The following ARID1B variants were observed in gnomAD, a reference collection of about 807,000 sequenced individuals.
ARID1B encodes AT-rich interactive domain-containing protein 1B.
In ARID1B, 30 loss-of-function variants were observed where a neutral mutation model predicts 212.3. The ratio of observed to expected loss-of-function variants is 0.14; its 90% CI spans 0.11 to 0.19. The LOEUF (loss-of-function observed/expected upper bound fraction) is 0.19. Ranked by LOEUF, ARID1B falls within the 10% of genes least tolerant of loss-of-function variation. The pLI is 1.00. For synonymous variants in ARID1B, 1,402 were observed against 1,301.7 expected, an observed-to-expected ratio of 1.08 and a Z score of -1.66; for missense variants, 2,891 against 3,204.0, an observed-to-expected ratio of 0.90 and a Z score of 2.36.
chr6:156,860,244 G>A (rs960497271), intron 2 of ARID1B, among the ~76,000 whole-genome samples: 5 of 152,186 alleles, frequency 3.3e-5, no homozygotes, highest in African/African-American at 1.2e-4. Context: ...TGATATAATA[G>A]TGCTTTACAA....
At chr6:156,854,224 G>T (rs1784762524) in intron 2 of ARID1B, among the ~76,000 whole-genome samples, 1 of 152,144 alleles carries the variant, frequency 6.6e-6, no homozygotes, top group African/African-American at 2.4e-5. Flanking sequence ...ACTAGTACCT[G>T]TTCCTACCCC....
chr6:157,166,876 A>C, intron 8 of ARID1B, 164 bp from the exon 9 acceptor site: 3 of 909,248 alleles, frequency 3.3e-6, no homozygotes, highest in Non-Finnish European at 3.2e-6. Flanking sequence ...GTTACCTAGC[A>C]ATAGAATTCA....
intron 4 of ARID1B, chr6:157,024,196 G>C (rs1009172265): frequency 2.6e-5 from 4 of 152,244 alleles, no homozygotes; most frequent in African/African-American, 7.2e-5. Flanking sequence ...CCACAAAAAT[G>C]ATATGTGGTT....
intron 6 of ARID1B, among the ~76,000 whole-genome samples, chr6:157,115,502 C>T (rs1787263914): frequency 6.6e-6 from 1 of 152,234 alleles, no homozygotes; most frequent in Non-Finnish European, 1.5e-5. Flanking sequence ...TCTCAGCTCA[C>T]TGTGAGCTCC....
rs552303898 is a variant in ARID1B at position 156,849,294 on chromosome 6, C to A, written c.1986+19873C>A. Among the ~76,000 whole-genome samples the A allele has an allele frequency of 2.0e-5, 3 of 152,262 alleles. No homozygotes were observed. The East Asian group carries it at 5.8e-4, about 29-fold the overall frequency. Reference sequence around the variant, plus strand: ...TGTCTCCCTTCCTTCATGCCCTCTTCCCTGGAAGAGTTTTATATACTAAAT... The same window carrying A: ...TGTCTCCCTTCCTTCATGCCCTCTTACCTGGAAGAGTTTTATATACTAAAT... On this transcript the variant is annotated intron_variant, in intron 2 of 19. Coordinates refer to ENST00000636930, the MANE Select transcript of ARID1B (RefSeq NM_001374828.1).
chr6:157,011,351 A>C (rs981781686), intron 4 of ARID1B, among the ~76,000 whole-genome samples: 2 of 152,256 alleles, frequency 1.3e-5, no homozygotes, highest in African/African-American at 4.8e-5. Context: ...ATTCCCTTGC[A>C]TATGAATTCT....
intron 4 of ARID1B, among the ~76,000 whole-genome samples, chr6:156,949,763 C>T (rs911537291): frequency 1.2e-4 from 18 of 152,088 alleles, no homozygotes; most frequent in African/African-American, 3.6e-4. Context: ...ATCAGTTTTA[C>T]CCTGCACAGA....
At chr6:156,844,336 ACTCT>A (rs1370077255) in intron 2 of ARID1B, among the ~76,000 whole-genome samples, 7 of 152,136 alleles carry the variant, frequency 4.6e-5, no homozygotes, top group Non-Finnish European at 1.0e-4. Flanking sequence ...GAAAATTCCT[ACTCT>A]GTCTGTGTAT....
At chr6:157,167,769 A>C (rs1255694857) in intron 9 of ARID1B, 1 of 152,488 alleles carries the variant, frequency 6.6e-6, no homozygotes, top group Admixed American at 6.5e-5. Context: ...ATGCCTGATG[A>C]TTGCAGTGGA....
At chr6:156,988,565 T>C (rs1778077463) in intron 4 of ARID1B, among the ~76,000 whole-genome samples, 1 of 152,174 alleles carries the variant, frequency 6.6e-6, no homozygotes. Flanking sequence ...AAAGTCTTAC[T>C]AGCAAGGAGT....
intron 6 of ARID1B, among the ~76,000 whole-genome samples, chr6:157,118,768 C>G (rs1261347296): frequency 6.6e-6 from 1 of 152,202 alleles, no homozygotes; most frequent in Non-Finnish European, 1.5e-5. Context: ...CATCCCAAAG[C>G]TGGGAAAACA....
chr6:156,888,305 C>G (rs1192057502), intron 2 of ARID1B, among the ~76,000 whole-genome samples: 1 of 152,198 alleles, frequency 6.6e-6, no homozygotes, highest in Non-Finnish European at 1.5e-5. Flanking sequence ...CGAGTGTTTT[C>G]TGTTTTACAC....
intron 4 of ARID1B, among the ~76,000 whole-genome samples, chr6:157,038,912 T>A (rs927973937): frequency 6.6e-6 from 1 of 152,044 alleles, no homozygotes. Flanking sequence ...GCCTTAACTT[T>A]TTTTTTTTTG....
intron 4 of ARID1B, among the ~76,000 whole-genome samples, chr6:157,012,492 A>G (rs980060524): frequency 2.0e-5 from 3 of 152,214 alleles, no homozygotes; most frequent in African/African-American, 7.2e-5. Flanking sequence ...TGGTGAATAT[A>G]TGGTATACTG....
chr6:157,017,566 C>G (rs1047983041), intron 4 of ARID1B, among the ~76,000 whole-genome samples: 1 of 152,172 alleles, frequency 6.6e-6, no homozygotes, highest in African/African-American at 2.4e-5. Flanking sequence ...TTTAGGAATT[C>G]ATCAGTAGTA....
At chr6:157,120,136 C>T (rs956519487) in intron 6 of ARID1B, among the ~76,000 whole-genome samples, 3 of 152,200 alleles carry the variant, frequency 2.0e-5, no homozygotes, top group East Asian at 1.9e-4. Context: ...TAGCGACGTA[C>T]GTACTTTGTC....
At chr6:157,186,076 A>G (rs551862847) in intron 13 of ARID1B, 5 of 169,742 alleles carry the variant, frequency 2.9e-5, no homozygotes, top group South Asian at 2.9e-4. Context: ...TGATGTCTGT[A>G]AAGATCTAAG....
intron 6 of ARID1B, among the ~76,000 whole-genome samples, chr6:157,117,852 T>C (rs544693776): frequency 5.3e-5 from 8 of 151,348 alleles, no homozygotes; most frequent in African/African-American, 1.7e-4. Flanking sequence ...CTACTGCTGC[T>C]GCTCCCCCCT....
intron 3 of ARID1B, among the ~76,000 whole-genome samples, chr6:156,920,848 GTTCTT>G (rs749706678): frequency 1.2e-4 from 18 of 150,890 alleles, no homozygotes; most frequent in Middle Eastern, 6.8e-3. Flanking sequence ...TCTTTTTCTT[GTTCTT>G]TTCTTTTCTT....
Sources: gnomAD v4.1 joint callset for allele counts (sites outside exome capture counted in the v4.1 genomes callset) on GRCh38, gnomAD v4.1.1 for gene constraint, MANE v1.5 for transcripts, NCBI Gene and HGNC (gene_info 2026-07-23, HGNC 2026-07-21) for gene names.